Variants in CFAP210 observed in about 807,000 individuals in gnomAD.
CFAP210 encodes the protein cilia- and flagella- associated protein 210.
chr2:169,686,348 A>C, the CFAP210 span, among the ~76,000 whole-genome samples: 14 of 152,340 alleles, frequency 9.2e-5, no homozygotes, highest in East Asian at 2.7e-3. Context: ...AGCCAAGTAG[A>C]ATTTTGATAG....
At chr2:169,665,325 A>G in the CFAP210 span, among the ~76,000 whole-genome samples, 12 of 152,276 alleles carry the variant, frequency 7.9e-5, no homozygotes, top group Non-Finnish European at 1.6e-4. Context: ...TCACTCTGTC[A>G]TCCAGGCTGG....
the CFAP210 span, among the ~76,000 whole-genome samples, chr2:169,656,147 A>C: frequency 6.6e-6 from 1 of 152,090 alleles, no homozygotes; most frequent in Non-Finnish European, 1.5e-5. Flanking sequence ...AAAATTAGAC[A>C]GGTATGGCAG....
At chr2:169,689,993 TTTAA>T in the CFAP210 span, among the ~76,000 whole-genome samples, 1 of 152,212 alleles carries the variant, frequency 6.6e-6, no homozygotes, top group Non-Finnish European at 1.5e-5. Flanking sequence ...TAGTATTTTA[TTTAA>T]TTAATTAACT....
the CFAP210 span, among the ~76,000 whole-genome samples, chr2:169,650,734 C>CTGTGTGTGTGTGTGTGTGTGTGTG: frequency 3.4e-5 from 5 of 147,108 alleles, no homozygotes; most frequent in African/African-American, 1.3e-4. Context: ...TATGTATAAT[C>CTGTGTGTGTGTGTGTGTGTGTGTG]TGTGTGTGTG....
chr2:169,679,654 C>G, the CFAP210 span, among the ~76,000 whole-genome samples: 1 of 121,276 alleles, frequency 8.2e-6, no homozygotes, highest in East Asian at 2.6e-4. Context: ...GCACTCTAGC[C>G]TGGGTGACAG....
At chr2:169,669,288 A>G in the CFAP210 span, among the ~76,000 whole-genome samples, 1 of 152,164 alleles carries the variant, frequency 6.6e-6, no homozygotes, top group Non-Finnish European at 1.5e-5. Flanking sequence ...ACTAAGAGGA[A>G]GGACTGGTAA....
the CFAP210 span, chr2:169,661,328 T>G: frequency 6.5e-6 from 3 of 463,258 alleles, no homozygotes; most frequent in South Asian, 4.9e-5. Flanking sequence ...ATAAATTTCC[T>G]TTTCAGATTC....
chr2:169,645,748 G>A, the CFAP210 span: 24 of 804,260 alleles, frequency 3.0e-5, 1 homozygote, highest in Non-Finnish European at 5.8e-6. Context: ...ATTGTACTTA[G>A]ATGAAGAACA....
chr2:169,673,445 C>A, the CFAP210 span, among the ~76,000 whole-genome samples: 1 of 152,120 alleles, frequency 6.6e-6, no homozygotes, highest in African/African-American at 2.4e-5. Flanking sequence ...CTCTACACTG[C>A]CAAAGAAAAA....
At chr2:169,655,988 A>G in the CFAP210 span, among the ~76,000 whole-genome samples, 1 of 152,244 alleles carries the variant, frequency 6.6e-6, no homozygotes, top group Non-Finnish European at 1.5e-5. Context: ...CTGAAAGACT[A>G]CATGTGCAGC....
the CFAP210 span, chr2:169,650,371 GT>G: frequency 6.3e-7 from 1 of 1,598,796 alleles, no homozygotes; most frequent in Non-Finnish European, 8.5e-7. Flanking sequence ...ATTCTGCTTT[GT>G]TTTTTTCATC....
the CFAP210 span, among the ~76,000 whole-genome samples, chr2:169,669,579 G>A: frequency 6.6e-6 from 1 of 151,888 alleles, no homozygotes; most frequent in Non-Finnish European, 1.5e-5. Context: ...GATTTGTTTT[G>A]GAGAAAAAAA....
the CFAP210 span, among the ~76,000 whole-genome samples, chr2:169,680,007 A>G: frequency 1.1e-4 from 17 of 152,236 alleles, no homozygotes; most frequent in African/African-American, 3.9e-4. Context: ...AATATTTTCA[A>G]GTCAAATACC....
the CFAP210 span, chr2:169,646,323 A>G: frequency 1.6e-6 from 1 of 638,266 alleles, no homozygotes; most frequent in East Asian, 2.7e-5. Context: ...ACTATATACT[A>G]TCATTTATTT....
the CFAP210 span, among the ~76,000 whole-genome samples, chr2:169,655,533 T>C: frequency 6.6e-6 from 1 of 152,246 alleles, no homozygotes; most frequent in Non-Finnish European, 1.5e-5. Context: ...TTTTGGATAA[T>C]TCCTTACATG....
At chr2:169,653,967 T>C in the CFAP210 span, 1 of 1,176,934 alleles carries the variant, frequency 8.5e-7, no homozygotes, top group Non-Finnish European at 1.2e-6. Context: ...CTGAATGCTC[T>C]AGTCATATAT....
At chr2:169,687,408 AG>A in the CFAP210 span, among the ~76,000 whole-genome samples, 4 of 152,222 alleles carry the variant, frequency 2.6e-5, no homozygotes, top group African/African-American at 9.6e-5. Flanking sequence ...GTTACTTCCT[AG>A]ATACGATAGG....
At chr2:169,690,259 A>G in the CFAP210 span, among the ~76,000 whole-genome samples, 1 of 152,254 alleles carries the variant, frequency 6.6e-6, no homozygotes, top group African/African-American at 2.4e-5. Flanking sequence ...TGATGTTGGT[A>G]TCAGGGTAAT....
the CFAP210 span, among the ~76,000 whole-genome samples, chr2:169,673,505 T>C: frequency 6.6e-5 from 10 of 152,184 alleles, no homozygotes; most frequent in Admixed American, 5.2e-4. Flanking sequence ...AAGGACTGAA[T>C]TGAAAAATAC....
Sources: allele counts gnomAD v4.1 joint callset (sites outside exome capture counted in the v4.1 genomes callset), GRCh38; gene constraint gnomAD v4.1.1; transcripts MANE v1.5; gene names NCBI Gene and HGNC (gene_info 2026-07-23, HGNC 2026-07-21).